Variants in UGGT2 observed in about 807,000 individuals in gnomAD.
UGGT2 encodes the protein UDP-glucose:glycoprotein glucosyltransferase 2.
Under a neutral mutation model 192.1 loss-of-function variants are expected in UGGT2, and 180 were observed. That is an observed-to-expected ratio of 0.94 (90% CI 0.83 to 1.06). The LOEUF is 1.06. Ranked by LOEUF, UGGT2 falls within the 50% of genes least tolerant of loss-of-function variation. The pLI, the probability that UGGT2 is intolerant of heterozygous loss-of-function variation, is 0.00. For missense variants in UGGT2, 1,849 were observed against 1,795.7 expected (o/e 1.03, Z -0.54); for synonymous variants, 580 against 591.0 (o/e 0.98, Z 0.27).
intron 15 of UGGT2, among the ~76,000 whole-genome samples, chr13:95,944,014 T>A (rs1426916666): frequency 1.3e-5 from 2 of 152,048 alleles, no homozygotes; most frequent in Admixed American, 1.3e-4. Flanking sequence ...TTGTGCATAT[T>A]CTTGAATAAT....
chr13:95,982,940 T>C (rs73562913), intron 10 of UGGT2, among the ~76,000 whole-genome samples: 2,578 of 152,302 alleles, frequency 0.017, 73 homozygotes, highest in African/African-American at 0.059. Context: ...ATCATTGTAG[T>C]TGTCATCAAA....
chr13:96,022,963 T>A, intron 4 of UGGT2, 77 bp downstream of exon 4: 10 of 1,014,164 alleles, frequency 9.9e-6, no homozygotes, highest in African/African-American at 3.3e-5. Context: ...TTAAATTTTT[T>A]TTATTATAAG....
At chr13:96,034,659 C>T (rs1233900040) in intron 1 of UGGT2, among the ~76,000 whole-genome samples, 1 of 152,224 alleles carries the variant, frequency 6.6e-6, no homozygotes, top group Non-Finnish European at 1.5e-5. Context: ...TTCCTGGTAT[C>T]TCCAAGCTTC....
intron 36 of UGGT2, among the ~76,000 whole-genome samples, chr13:95,847,790 A>C (rs959861708): frequency 3.9e-5 from 6 of 152,262 alleles, no homozygotes; most frequent in African/African-American, 1.2e-4. Context: ...TTATGTAGCC[A>C]TAAGTTTTCA....
At chr13:95,852,994 G>C (rs563195846) in intron 36 of UGGT2, among the ~76,000 whole-genome samples, 1 of 152,136 alleles carries the variant, frequency 6.6e-6, no homozygotes, top group African/African-American at 2.4e-5. Context: ...GGAGGGACCA[G>C]GTAGAGGTAA....
Position 95,983,796 on chromosome 13 carries a change from A to T in UGGT2, c.1092+8T>A. 1 of 1,543,312 alleles carries T rather than the reference A, an allele frequency of 6.5e-7. No homozygotes were observed. Among genetic ancestry groups the T allele is most frequent in the Non-Finnish European group, 8.8e-7 (1 of 1,139,048 alleles). Reference sequence around the variant, plus strand: ...GGTAAATGTTTTAAAAAAGGAATTCAAACAAACCTTTTGATTTTCCTTTAT... The same window carrying T: ...GGTAAATGTTTTAAAAAAGGAATTCTAACAAACCTTTTGATTTTCCTTTAT... On this transcript the variant is annotated splice_region_variant and intron_variant, in intron 10 of 38. Transcript: ENST00000376747.
chr13:95,944,611 T>C (rs2049802590), intron 15 of UGGT2, among the ~76,000 whole-genome samples: 1 of 152,088 alleles, frequency 6.6e-6, no homozygotes, highest in South Asian at 2.1e-4. Flanking sequence ...TTTTATATTC[T>C]TGATCCCATA....
chr13:96,040,311 C>G (rs1566852684), intron 1 of UGGT2, among the ~76,000 whole-genome samples: 1 of 152,192 alleles, frequency 6.6e-6, no homozygotes, highest in Non-Finnish European at 1.5e-5. Flanking sequence ...ACTGTTCCAT[C>G]CTGGTGGCTT....
chr13:95,843,798 G>A (rs536237523), intron 36 of UGGT2, among the ~76,000 whole-genome samples: 1 of 152,000 alleles, frequency 6.6e-6, no homozygotes, highest in South Asian at 2.1e-4. Context: ...CTATTTCTGG[G>A]TTCTTTATTC....
At chr13:95,936,546 C>T (rs1188166964) in intron 17 of UGGT2, among the ~76,000 whole-genome samples, 1 of 152,224 alleles carries the variant, frequency 6.6e-6, no homozygotes, top group Non-Finnish European at 1.5e-5. Flanking sequence ...GGCACAAGCA[C>T]CAACACTGAG....
At chr13:95,981,978 T>C (rs2051140282) in intron 10 of UGGT2, among the ~76,000 whole-genome samples, 1 of 152,190 alleles carries the variant, frequency 6.6e-6, no homozygotes, top group Non-Finnish European at 1.5e-5. Context: ...TCTCTGGAAG[T>C]AGTAGGTGAT....
chr13:95,882,231 A>G (rs941514111), intron 27 of UGGT2, among the ~76,000 whole-genome samples: 1 of 152,106 alleles, frequency 6.6e-6, no homozygotes, highest in Non-Finnish European at 1.5e-5. Flanking sequence ...CATTTTTGTC[A>G]CCTTTAATTA....
chr13:95,952,399 G>C (rs1405956997), intron 12 of UGGT2, among the ~76,000 whole-genome samples: 1 of 152,040 alleles, frequency 6.6e-6, no homozygotes, highest in African/African-American at 2.4e-5. Flanking sequence ...CTAAGAATAT[G>C]CAAGTCTCTA....
Position 95,830,211 on chromosome 13 carries a change from C to T in UGGT2, c.4528+2716G>A, listed in dbSNP as rs538897252. ...AACCTAGGCAATACCATTGAGGACA[C>T]AGGCATGGGCAAGGACTTCATGACT... On this transcript the variant is annotated intron_variant, in intron 38 of 38. Transcript: ENST00000376747. Among the ~76,000 whole-genome samples, 102 of 152,198 alleles carry T rather than the reference C, an allele frequency of 6.7e-4. 1 individual carries two copies. The highest frequency in any genetic ancestry group is 2.4e-3 in the African/African-American group (99 of 41,548).
At chr13:95,959,967 C>A (rs571786681) in intron 12 of UGGT2, among the ~76,000 whole-genome samples, 1 of 152,272 alleles carries the variant, frequency 6.6e-6, no homozygotes, top group Non-Finnish European at 1.5e-5. Flanking sequence ...AACTGTGCTA[C>A]AAGCCACCTA....
At chr13:95,931,500 C>T (rs1002791834) in intron 17 of UGGT2, among the ~76,000 whole-genome samples, 9 of 136,324 alleles carry the variant, frequency 6.6e-5, no homozygotes, top group Non-Finnish European at 7.9e-5. Flanking sequence ...CAGCACTCGT[C>T]GGGGAGGCTC....
chr13:95,856,741 T>A, intron 33 of UGGT2: 1 of 352,136 alleles, frequency 2.8e-6, no homozygotes, highest in South Asian at 2.3e-5. Context: ...GTCAGAGATG[T>A]AAAGATGAAG....
At chr13:96,033,737 G>A (rs1566845870) in intron 1 of UGGT2, among the ~76,000 whole-genome samples, 1 of 152,204 alleles carries the variant, frequency 6.6e-6, no homozygotes, top group Non-Finnish European at 1.5e-5. Flanking sequence ...TTGGGGTAGT[G>A]CTGACATGCC....
At position 95,854,352 on chromosome 13, in the gene UGGT2, A is replaced by G. The variant is rs910831143; in HGVS notation, c.4132T>C (p.Trp1378Arg). ...TTCCGTCTTAAAAGATGTGATGCCC[A>G]GTATCCTGTTTTCCAGAAACGATAT... ...DGYRFWKTGY[W>R]ASHLLRRKYH... The change falls in exon 35 of 39, where the codon TGG (tryptophan) becomes CGG (arginine). Residue 1378 changes from tryptophan (W) to arginine (R), a missense_variant. Physicochemically the swap from Trp to Arg is moderately radical, Grantham distance 101. Coordinates refer to ENST00000376747, the MANE Select transcript of UGGT2 (RefSeq NM_020121.4). 1.2e-6 allele frequency: 2 copies of G among 1,613,740 alleles called. 1 individual carries two copies. Among genetic ancestry groups the G allele is most frequent in the South Asian group, 2.2e-5 (2 of 91,024 alleles).
Sources: allele counts gnomAD v4.1 joint callset (sites outside exome capture counted in the v4.1 genomes callset), GRCh38; gene constraint gnomAD v4.1.1; transcripts MANE v1.5; gene names NCBI Gene and HGNC (gene_info 2026-07-23, HGNC 2026-07-21).